ZNF644: variants seen among roughly 807,000 people sequenced by gnomAD.
The protein encoded by ZNF644 is zinc finger protein 644.
In ZNF644, 20 loss-of-function variants were observed where a neutral mutation model predicts 108.0. The observed-to-expected ratio is 0.19, with a 90% CI of 0.13 to 0.27. The LOEUF (loss-of-function observed/expected upper bound fraction) is 0.27, where lower values mean the gene tolerates loss of function less well. Among genes scored for constraint, ZNF644 ranks in the 10% least tolerant of loss-of-function variants. The pLI, the probability that ZNF644 is intolerant of heterozygous loss-of-function variation, is 1.00. For missense variants in ZNF644, 1,338 were observed against 1,548.9 expected (o/e 0.86, Z 2.29); for synonymous variants, 542 against 539.1 (o/e 1.01, Z -0.08).
intron 1 of ZNF644, among the ~76,000 whole-genome samples, chr1:91,008,447 G>A (rs751742510): frequency 1.3e-5 from 2 of 152,096 alleles, no homozygotes; most frequent in Non-Finnish European, 2.9e-5. Flanking sequence ...ATGGAGGTAG[G>A]GCTATTCCCA....
chr1:90,940,064 C>A lies in ZNF644; in HGVS notation c.1290G>T (p.Met430Ile). 3 of 1,614,090 alleles carry A rather than the reference C, an allele frequency of 1.9e-6. No homozygotes were observed. ...AGTGACTATTCCCATCTAAATGATA[C>A]ATCATATGCCTGTGGAGGTGCTTCT... is the stretch of plus-strand genomic sequence containing the variant. ...REKKHLHRHM[M>I]YHLDGNSHFR... Residue 430 changes from methionine to isoleucine, a missense_variant, in exon 3 of 6, where the codon ATG (methionine) becomes ATT (isoleucine). By Grantham distance (10) the Met-to-Ile change is conservative. Transcript: ENST00000337393.
intron 2 of ZNF644, among the ~76,000 whole-genome samples, chr1:90,964,263 T>G (rs1306927127): frequency 6.6e-6 from 1 of 152,048 alleles, no homozygotes; most frequent in Non-Finnish European, 1.5e-5. Flanking sequence ...TAAGAGAAAA[T>G]AAAATACATA....
chr1:90,944,757 C>T (rs1395432925), intron 2 of ZNF644, among the ~76,000 whole-genome samples: 8 of 152,022 alleles, frequency 5.3e-5, no homozygotes, highest in Non-Finnish European at 8.8e-5. Flanking sequence ...AGTAGATTAA[C>T]GTTTTGTGGG....
chr1:90,995,245 A>G lies in ZNF644; in HGVS notation c.-17-12875T>C, dbSNP rs556500737. Among the ~76,000 whole-genome samples the G allele has an allele frequency of 3.9e-5, 6 of 152,272 alleles. No individual in the cohort carries two copies. In the South Asian group the frequency reaches 6.2e-4, roughly 16 times the overall value. On this transcript the variant is annotated intron_variant, in intron 1 of 5. Transcript: ENST00000337393. Reference sequence around the variant, plus strand: ...GAAAAAGCTGAAAAATACAATAACTACAATAAAAAATTCCTCAGATGAGTC... The same window carrying G: ...GAAAAAGCTGAAAAATACAATAACTGCAATAAAAAATTCCTCAGATGAGTC...
chr1:91,015,190 T>C (rs1327214157), intron 1 of ZNF644, among the ~76,000 whole-genome samples: 1 of 152,158 alleles, frequency 6.6e-6, no homozygotes, highest in African/African-American at 2.4e-5. Flanking sequence ...CTTTGACAAA[T>C]TTGCTTATAA....
chr1:90,933,257 G>A (rs1345777253), intron 4 of ZNF644, among the ~76,000 whole-genome samples: 2 of 152,046 alleles, frequency 1.3e-5, no homozygotes, highest in Admixed American at 6.6e-5. Context: ...TAATCAGAAT[G>A]GAACATTAAC....
At position 90,947,427 on chromosome 1, in the gene ZNF644, A is replaced by G. The variant is rs113918649; in HGVS notation, c.45-6118T>C. ...AACATGGGTCAGTTCACTATAAAAC[A>G]TATCTGTTCAAATTATTAACTGTGA... On this transcript the variant is annotated intron_variant, in intron 2 of 5. Coordinates refer to ENST00000337393, the MANE Select transcript of ZNF644 (RefSeq NM_201269.3). Among the ~76,000 whole-genome samples the G allele has an allele frequency of 1.3e-3, 200 of 152,322 alleles. 3 individuals carry two copies. The highest frequency in any genetic ancestry group is 5.7e-4 in the Non-Finnish European group (39 of 68,010).
chr1:91,001,913 G>A (rs1371482804), intron 1 of ZNF644, among the ~76,000 whole-genome samples: 1 of 152,128 alleles, frequency 6.6e-6, no homozygotes, highest in African/African-American at 2.4e-5. Context: ...AATCATGAGT[G>A]AACTCCCATT....
Position 90,982,375 on chromosome 1 carries a change from A to C in ZNF644, c.-17-5T>G. On this transcript the variant is annotated splice_region_variant and splice_polypyrimidine_tract_variant and intron_variant, in intron 1 of 5. Transcript: ENST00000337393. ...TCATCCAAAATTAAATCAAACCTGAAAGAAATACACACAATGACCAAGGTT... is the reference window on the plus strand; with the variant it reads ...TCATCCAAAATTAAATCAAACCTGACAGAAATACACACAATGACCAAGGTT... 1 of 1,607,710 alleles carries C rather than the reference A, an allele frequency of 6.2e-7. No individual in the cohort carries two copies. The highest frequency in any genetic ancestry group is 8.5e-7 in the Non-Finnish European group (1 of 1,176,848).
Position 90,940,365 on chromosome 1 carries a change from T to G in ZNF644, c.989A>C (p.Glu330Ala), listed in dbSNP as rs767104214. The G allele has an allele frequency of 6.2e-7, 1 of 1,613,770 alleles. No homozygotes were observed. Among genetic ancestry groups the G allele is most frequent in the Non-Finnish European group, 8.5e-7 (1 of 1,179,942 alleles). ...CTGTGAGTCTACTGCTTGTAGCTCT[T>G]CATTTTGTTCTAGAAAGTCTACTTC... ...MQEVDFLEQN[E>A]ELQAVDSQKY... The change falls in exon 3 of 6, where the codon GAA becomes GCA. Residue 330 changes from glutamate to alanine, a missense_variant. Glu to Ala is a moderately radical substitution (Grantham distance 107). Coordinates refer to ENST00000337393, the MANE Select transcript of ZNF644 (RefSeq NM_201269.3).
chr1:90,998,784 G>C (rs1658445320), intron 1 of ZNF644, among the ~76,000 whole-genome samples: 1 of 152,206 alleles, frequency 6.6e-6, no homozygotes, highest in Non-Finnish European at 1.5e-5. Context: ...CCATTGCAAA[G>C]AAGCTAAAAA....
intron 2 of ZNF644, among the ~76,000 whole-genome samples, chr1:90,959,171 G>T (rs1040788423): frequency 3.3e-5 from 5 of 152,094 alleles, no homozygotes; most frequent in Admixed American, 2.0e-4. Flanking sequence ...CAACATCGTG[G>T]TCATTAAAGA....
intron 2 of ZNF644, among the ~76,000 whole-genome samples, chr1:90,969,578 C>T (rs557438246): frequency 7.2e-5 from 11 of 152,296 alleles, no homozygotes; most frequent in African/African-American, 2.6e-4. Context: ...CCATCCTACC[C>T]AGGTTATGTA....
chr1:91,000,192 C>T (rs1570549880), intron 1 of ZNF644, among the ~76,000 whole-genome samples: 1 of 152,116 alleles, frequency 6.6e-6, no homozygotes, highest in Non-Finnish European at 1.5e-5. Flanking sequence ...GCGGACCTAA[C>T]AGACATCTAC....
chr1:90,937,889 G>A lies in ZNF644; in HGVS notation c.3284C>T (p.Ala1095Val). The change falls in exon 4 of 6, where the codon GCA (alanine) becomes GTA (valine). Residue 1095 changes from alanine (A) to valine (V), a missense_variant. Physicochemically the swap from Ala to Val is moderately conservative, Grantham distance 64. This residue lies in a region of ZNF644 where 287 missense variants were observed against 310.9 expected (regional missense o/e 0.92). Coordinates refer to ENST00000337393, the MANE Select transcript of ZNF644 (RefSeq NM_201269.3). ...GGGAATAATACGACGACTGTTCAAT[G>A]CCTTTAAGATTTTTTCATATTTTTC... is the stretch of plus-strand genomic sequence containing the variant. ...NEEKYEKILK[A>V]LNSRRIIPRP... 6.2e-7 allele frequency: 1 copy of A among 1,613,802 alleles called. No individual in the cohort carries two copies.
chr1:91,017,209 C>A (rs1310037563), intron 1 of ZNF644, among the ~76,000 whole-genome samples: 2 of 152,192 alleles, frequency 1.3e-5, no homozygotes, highest in Admixed American at 1.3e-4. Flanking sequence ...CACATAAAAT[C>A]TGCCTTCATC....
chr1:90,986,191 G>A (rs1226111615), intron 1 of ZNF644, among the ~76,000 whole-genome samples: 2 of 152,020 alleles, frequency 1.3e-5, no homozygotes, highest in South Asian at 2.1e-4. Context: ...AAAATGTCAA[G>A]TATAACACAT....
chr1:90,917,222 A>T (rs542662436), intron 5 of ZNF644, among the ~76,000 whole-genome samples: 1 of 152,328 alleles, frequency 6.6e-6, no homozygotes, highest in African/African-American at 2.4e-5. Flanking sequence ...TTATTATTTT[A>T]AAATTAACAT....
At chr1:90,946,289 G>A (rs1433388797) in intron 2 of ZNF644, among the ~76,000 whole-genome samples, 2 of 151,934 alleles carry the variant, frequency 1.3e-5, no homozygotes, top group African/African-American at 4.8e-5. Flanking sequence ...ACATTGAGAA[G>A]AAACACTAAA....
Sources: gnomAD v4.1 joint callset for allele counts (sites outside exome capture counted in the v4.1 genomes callset) on GRCh38, gnomAD v4.1.1 for gene constraint, gnomAD v4.1.1 regional missense constraint, MANE v1.5 for transcripts, NCBI Gene and HGNC (gene_info 2026-07-23, HGNC 2026-07-21) for gene names.